Variants in POU3F3 observed in about 807,000 individuals in gnomAD.
The protein encoded by POU3F3 is POU class 3 homeobox 3, also known as POU domain, class 3, transcription factor 3.
In POU3F3, 1 loss-of-function variant was observed where a neutral mutation model predicts 8.6. That is an observed-to-expected ratio of 0.12 (90% CI 0.04 to 0.55). The LOEUF is 0.55. POU3F3 is among the 20% of genes least tolerant of loss of function. POU3F3 has a pLI of 0.91. For missense variants in POU3F3, 577 were observed against 690.7 expected, an observed-to-expected ratio of 0.84 and a Z score of 1.84; for synonymous variants, 418 against 327.4, an observed-to-expected ratio of 1.28 and a Z score of -2.99.
chr2:104,895,268 A>G, the POU3F3 span, among the ~76,000 whole-genome samples: 1 of 152,184 alleles, frequency 6.6e-6, no homozygotes, highest in Non-Finnish European at 1.5e-5. Flanking sequence ...TTCTTTTTAA[A>G]TCTTCACTAC....
At chr2:104,926,379 G>A in the POU3F3 span, among the ~76,000 whole-genome samples, 1 of 152,186 alleles carries the variant, frequency 6.6e-6, no homozygotes, top group Non-Finnish European at 1.5e-5. Context: ...GATCATTAGA[G>A]AAATGCAAAT....
At chr2:104,863,192 T>C (rs1015146276), downstream of POU3F3, among the ~76,000 whole-genome samples, 1 of 146,276 alleles carries the variant, frequency 6.8e-6, no homozygotes, top group Non-Finnish European at 1.5e-5. Flanking sequence ...TTATTATTAT[T>C]ATTATTATTA....
chr2:104,879,858 G>A, the POU3F3 span, among the ~76,000 whole-genome samples: 2 of 152,152 alleles, frequency 1.3e-5, no homozygotes, highest in Non-Finnish European at 2.9e-5. Flanking sequence ...TCTTCACCAC[G>A]TGGTTCTTTG....
chr2:104,891,514 A>G, the POU3F3 span, among the ~76,000 whole-genome samples: 2 of 152,186 alleles, frequency 1.3e-5, no homozygotes, highest in African/African-American at 2.4e-5. Flanking sequence ...ATTCAAAATT[A>G]CAGCAGCCAG....
the POU3F3 span, chr2:104,866,211 C>G: frequency 6.6e-6 from 1 of 152,236 alleles, no homozygotes; most frequent in South Asian, 2.1e-4. Flanking sequence ...GAGTCCCAAG[C>G]AGTCTGGGGG....
chr2:104,917,610 A>G, the POU3F3 span, among the ~76,000 whole-genome samples: 3 of 152,226 alleles, frequency 2.0e-5, no homozygotes, highest in African/African-American at 4.8e-5. Context: ...TAAAGGCTCC[A>G]AAGTGCAAAG....
chr2:104,926,262 AAAAC>A, the POU3F3 span, among the ~76,000 whole-genome samples: 1 of 152,228 alleles, frequency 6.6e-6, no homozygotes, highest in African/African-American at 2.4e-5. Flanking sequence ...TTACAAGAAA[AAAAC>A]AAACAACCCC....
the POU3F3 span, among the ~76,000 whole-genome samples, chr2:104,894,760 C>T: frequency 2.0e-5 from 3 of 152,188 alleles, no homozygotes; most frequent in Non-Finnish European, 4.4e-5. Context: ...TCATTATAAA[C>T]GACCCTACAA....
the POU3F3 span, among the ~76,000 whole-genome samples, chr2:104,918,274 G>A: frequency 1.3e-5 from 2 of 152,262 alleles, no homozygotes; most frequent in East Asian, 1.9e-4. Flanking sequence ...ATTCTATTCT[G>A]GTGACCCGTG....
the POU3F3 span, among the ~76,000 whole-genome samples, chr2:104,923,505 G>A: frequency 5.9e-5 from 9 of 152,084 alleles, no homozygotes; most frequent in Non-Finnish European, 8.8e-5. Context: ...CTTCATGGTA[G>A]TTGCGAAAAA....
the POU3F3 span, among the ~76,000 whole-genome samples, chr2:104,881,415 C>T: frequency 6.6e-6 from 1 of 152,118 alleles, no homozygotes. Flanking sequence ...GTCCTCTTGC[C>T]TCAGCCTCCC....
At chr2:104,892,860 G>A in the POU3F3 span, among the ~76,000 whole-genome samples, 1 of 152,032 alleles carries the variant, frequency 6.6e-6, no homozygotes, top group Non-Finnish European at 1.5e-5. Context: ...ACTGGGGCTG[G>A]CCGATTCATG....
the POU3F3 span, among the ~76,000 whole-genome samples, chr2:104,914,303 A>G: frequency 6.6e-6 from 1 of 152,216 alleles, no homozygotes; most frequent in African/African-American, 2.4e-5. Context: ...TTGTTGATGT[A>G]AAATCTTAGT....
the POU3F3 span, among the ~76,000 whole-genome samples, chr2:104,881,394 G>A: frequency 6.6e-6 from 1 of 152,002 alleles, no homozygotes; most frequent in Admixed American, 6.5e-5. Context: ...TTGAACTCCT[G>A]ACCTCAAGCA....
chr2:104,882,395 G>A, the POU3F3 span, among the ~76,000 whole-genome samples: 1 of 152,022 alleles, frequency 6.6e-6, no homozygotes, highest in Non-Finnish European at 1.5e-5. Context: ...GGGACTATAG[G>A]CGCCTGCCAC....
At position 104,854,843 on chromosome 2, in the gene POU3F3, GGAGGA is replaced by G. The variant is rs762777001; in HGVS notation, c.-649_-645del. On this transcript the variant is annotated 5_prime_UTR_variant, in exon 1 of 1. Transcript: ENST00000361360. This position sits in a 1 kb window ranked among gnomAD's most constrained non-coding sequence, Gnocchi z 4.5. The stretch of plus-strand genomic sequence containing the variant: ...GAAAACGAGTGAAATGTGTTCCTGA[GGAGGA>G]GAGGAGAGGAGAGGAGAGAGCGGAC... 8.3e-4 allele frequency among the ~76,000 whole-genome samples: 126 copies of G among 152,338 alleles called. No individual in the cohort carries two copies. Among genetic ancestry groups the G allele is most frequent in the Admixed American group, 2.2e-3 (34 of 15,304 alleles).
At chr2:104,871,368 C>T in the POU3F3 span, among the ~76,000 whole-genome samples, 2 of 152,088 alleles carry the variant, frequency 1.3e-5, no homozygotes, top group African/African-American at 4.8e-5. Flanking sequence ...TTTTTAACCT[C>T]CTATTTTGGG....
the POU3F3 span, among the ~76,000 whole-genome samples, chr2:104,864,449 C>T: frequency 6.6e-6 from 1 of 152,212 alleles, no homozygotes; most frequent in Non-Finnish European, 1.5e-5. Context: ...AACCCGATTT[C>T]TTTCTAGTGA....
the POU3F3 span, among the ~76,000 whole-genome samples, chr2:104,914,911 A>C: frequency 6.6e-6 from 1 of 152,208 alleles, no homozygotes; most frequent in Non-Finnish European, 1.5e-5. Context: ...AGAGTGACAG[A>C]GGGTGACAAA....
Sources: gnomAD v4.1 joint callset for allele counts (sites outside exome capture counted in the v4.1 genomes callset) on GRCh38, gnomAD v4.1.1 for gene constraint, Gnocchi (gnomAD v3.1) non-coding constraint, MANE v1.5 for transcripts, NCBI Gene and HGNC (gene_info 2026-07-23, HGNC 2026-07-21) for gene names.